Variants in LRRC49 observed in about 807,000 individuals in gnomAD.
The protein encoded by LRRC49 is leucine-rich repeat-containing protein 49.
A neutral mutation model predicts 83.3 loss-of-function variants in LRRC49; 50 were observed. That is an observed-to-expected ratio of 0.60 (90% CI 0.48 to 0.76). LRRC49 has a LOEUF of 0.76. Among genes scored for constraint, LRRC49 ranks in the 30% least tolerant of loss-of-function variants. The pLI, the probability that LRRC49 is intolerant of heterozygous loss-of-function variation, is 0.00. For synonymous variants in LRRC49, 286 were observed against 283.3 expected, an observed-to-expected ratio of 1.01 and a Z score of -0.10; for missense variants, 704 against 809.1, an observed-to-expected ratio of 0.87 and a Z score of 1.58.
intron 9 of LRRC49, among the ~76,000 whole-genome samples, chr15:70,973,625 G>A (rs2037096106): frequency 6.6e-6 from 1 of 152,182 alleles, no homozygotes; most frequent in African/African-American, 2.4e-5. Context: ...GGAGATGGGA[G>A]TTTTATCTAT....
chr15:70,853,765 C>T, intron 1 of LRRC49: 1 of 704,186 alleles, frequency 1.4e-6, no homozygotes, highest in Non-Finnish European at 1.9e-6. Flanking sequence ...AGCTGCTTCC[C>T]CGGCGGCGGG....
At chr15:70,892,774 C>A, upstream of LRRC49, 3 of 1,597,170 alleles carry the variant, frequency 1.9e-6, no homozygotes, top group South Asian at 3.4e-5. Context: ...CGGAAATGGT[C>A]GTTTCCATGG....
intron 10 of LRRC49, among the ~76,000 whole-genome samples, chr15:70,981,178 TC>T (rs2141222541): frequency 6.6e-6 from 1 of 152,276 alleles, no homozygotes; most frequent in South Asian, 2.1e-4. Context: ...TGAGGATTGC[TC>T]GTGCAACTCT....
chr15:70,984,359 T>C, intron 11 of LRRC49, 102 bp downstream of exon 11: 1 of 1,011,584 alleles, frequency 9.9e-7, no homozygotes, highest in East Asian at 2.7e-5. Context: ...AAGGGTTTTC[T>C]TAAGAAAACT....
chr15:70,906,679 T>G (rs1567045741), intron 5 of LRRC49, among the ~76,000 whole-genome samples: 1 of 152,210 alleles, frequency 6.6e-6, no homozygotes, highest in Non-Finnish European at 1.5e-5. Context: ...TGTTAACTTG[T>G]GCCTTGAAGG....
In LRRC49 at chr15:70,984,207, C is replaced by T. The variant is rs923555936; in HGVS notation, c.1119C>T (p.Asp373=). ...GAAAAGATTCTGACTCTCCTCAGGACCCCTGTCAGATTGATGGAAGCACCC... is the reference window on the plus strand; with the variant it reads ...GAAAAGATTCTGACTCTCCTCAGGATCCCTGTCAGATTGATGGAAGCACCC... ...EDRKDSDSPQ[D]PCQIDGSTLS... Residue 373 remains aspartate (D), a synonymous_variant, in exon 11 of 16, where the codon GAC becomes GAT. Coordinates refer to ENST00000260382, the MANE Select transcript of LRRC49 (RefSeq NM_017691.5). The T allele has an allele frequency of 2.5e-6, 4 of 1,613,018 alleles. No homozygotes were observed. In the African/African-American group the frequency reaches 4.0e-5, roughly 16 times the overall value.
intron 1 of LRRC49, among the ~76,000 whole-genome samples, chr15:70,860,490 C>A (rs894362075): frequency 6.6e-6 from 1 of 152,210 alleles, no homozygotes; most frequent in African/African-American, 2.4e-5. Context: ...TCATAACTCA[C>A]TGTATCCTTA....
At chr15:70,932,449 A>G (rs367977913) in intron 7 of LRRC49, among the ~76,000 whole-genome samples, 1 of 152,178 alleles carries the variant, frequency 6.6e-6, no homozygotes, top group Non-Finnish European at 1.5e-5. Context: ...TACAGCTCTC[A>G]AAGTTAGAAT....
At position 71,037,288 on chromosome 15, in the gene LRRC49, A is replaced by T; in HGVS notation, c.1813A>T (p.Thr605Ser). ...RLVGENTNRA[T>S]LNYTTRDFYN... The stretch of plus-strand genomic sequence containing the variant: ...TGTAGGAGAAAACACAAATCGTGCT[A>T]CATTAAATTATACTACAAGAGACTT... The change falls in exon 15 of 16, where the codon ACA becomes TCA. Residue 605 changes from threonine to serine, a missense_variant. By Grantham distance (58) the Thr-to-Ser change is moderately conservative. Coordinates refer to ENST00000260382, the MANE Select transcript of LRRC49 (RefSeq NM_017691.5). 1 of 1,608,914 alleles carries T rather than the reference A, an allele frequency of 6.2e-7. No individual in the cohort carries two copies. Among genetic ancestry groups the T allele is most frequent in the Non-Finnish European group, 8.5e-7 (1 of 1,176,946 alleles).
In LRRC49 at chr15:71,052,667, TTGTATAC is replaced by T. The variant is rs1168697147; in HGVS notation, c.*3056_*3062del. ...AATGTCTTGCACTATTATAAGCTCTTTGTATACATTCTCATTTAATCTCCTAACACTG... is the reference window on the plus strand; with the variant it reads ...AATGTCTTGCACTATTATAAGCTCTTATTCTCATTTAATCTCCTAACACTG... On this transcript the variant is annotated 3_prime_UTR_variant, in exon 16 of 16. Transcript: ENST00000260382. 6.6e-6 allele frequency: 1 copy of T among 152,230 alleles called. No individual in the cohort carries two copies. The highest frequency in any genetic ancestry group is 1.5e-5 in the Non-Finnish European group (1 of 68,046). 9.4% of individuals were successfully genotyped at this position (152,230 alleles called of 1,614,324 possible). A position where few individuals can be genotyped will look rare whatever the true frequency, so the allele number is the denominator to read the frequency against.
At chr15:71,035,752 G>A (rs2039498903) in intron 14 of LRRC49, among the ~76,000 whole-genome samples, 1 of 152,108 alleles carries the variant, frequency 6.6e-6, no homozygotes, top group Non-Finnish European at 1.5e-5. Context: ...TATCACTGAT[G>A]GGCATTTGGG....
At chr15:70,885,258 A>C (rs1007511826) in intron 2 of LRRC49, among the ~76,000 whole-genome samples, 2 of 152,214 alleles carry the variant, frequency 1.3e-5, no homozygotes, top group African/African-American at 4.8e-5. Flanking sequence ...ATGTCATAAC[A>C]GACATAGGGG....
intron 8 of LRRC49, among the ~76,000 whole-genome samples, chr15:70,952,049 T>G (rs1453529230): frequency 6.6e-6 from 1 of 152,194 alleles, no homozygotes; most frequent in Non-Finnish European, 1.5e-5. Context: ...GAATTCAGTT[T>G]ATGTGGTGAA....
chr15:71,033,323 T>C (rs549653614), intron 14 of LRRC49, among the ~76,000 whole-genome samples: 26 of 152,272 alleles, frequency 1.7e-4, no homozygotes, highest in African/African-American at 6.3e-4. Context: ...AAGGACCTCT[T>C]CAAGGAGAAC....
intron 1 of LRRC49, chr15:70,893,241 T>C: frequency 1.8e-6 from 1 of 565,922 alleles, no homozygotes; most frequent in South Asian, 2.3e-5. Flanking sequence ...TTCTTTTCCT[T>C]TTAACTGTGA....
intron 11 of LRRC49, among the ~76,000 whole-genome samples, chr15:70,987,504 C>T (rs371054217): frequency 1.8e-4 from 28 of 151,992 alleles, no homozygotes; most frequent in South Asian, 4.2e-4. Context: ...TTTTTTATTG[C>T]GTCTATTTGA....
intron 15 of LRRC49, among the ~76,000 whole-genome samples, chr15:71,042,114 A>G (rs1163466230): frequency 6.6e-6 from 1 of 152,162 alleles, no homozygotes; most frequent in African/African-American, 2.4e-5. Context: ...TAGATGCACA[A>G]ACTATAAAGG....
At chr15:71,040,278 A>T (rs533890845) in intron 15 of LRRC49, among the ~76,000 whole-genome samples, 1 of 152,324 alleles carries the variant, frequency 6.6e-6, no homozygotes, top group Non-Finnish European at 1.5e-5. Context: ...TGGAAACATT[A>T]GCATTAGTAG....
chr15:71,006,498 T>C (rs2038462691), intron 11 of LRRC49, among the ~76,000 whole-genome samples: 1 of 152,144 alleles, frequency 6.6e-6, no homozygotes, highest in African/African-American at 2.4e-5. Context: ...TGATTCTGTG[T>C]CTATATCACT....
Sources: gnomAD v4.1 joint callset for allele counts (sites outside exome capture counted in the v4.1 genomes callset) on GRCh38, gnomAD v4.1.1 for gene constraint, MANE v1.5 for transcripts, NCBI Gene and HGNC (gene_info 2026-07-23, HGNC 2026-07-21) for gene names.